ECT2L: variants seen among roughly 807,000 people sequenced by gnomAD.
ECT2L encodes the protein epithelial cell transforming 2 like.
A neutral mutation model predicts 122.8 loss-of-function variants in ECT2L; 126 were observed. That is an observed-to-expected ratio of 1.03 (90% CI 0.89 to 1.19). The LOEUF is 1.19. Among genes scored for constraint, ECT2L ranks in the 50% most tolerant of loss-of-function variants. The pLI is 0.00. For synonymous variants in ECT2L, 385 were observed against 381.8 expected, an observed-to-expected ratio of 1.01 and a Z score of -0.10; for missense variants, 1,012 against 1,064.1, an observed-to-expected ratio of 0.95 and a Z score of 0.68.
chr6:138,861,078 C>T (rs1777812879), intron 10 of ECT2L, among the ~76,000 whole-genome samples: 1 of 152,042 alleles, frequency 6.6e-6, no homozygotes, highest in Non-Finnish European at 1.5e-5. Context: ...TTATGGCTGC[C>T]TAGTATTCCA....
intron 12 of ECT2L, among the ~76,000 whole-genome samples, chr6:138,866,964 C>T (rs995785706): frequency 7.9e-5 from 12 of 151,976 alleles, no homozygotes; most frequent in African/African-American, 2.4e-4. Flanking sequence ...ATCCCAGCTA[C>T]TTAGGAGGCT....
chr6:138,864,826 CTAATTT>C (rs1777968650), intron 11 of ECT2L, among the ~76,000 whole-genome samples, 164 bp from the exon 12 acceptor site: 1 of 152,130 alleles, frequency 6.6e-6, no homozygotes, highest in Non-Finnish European at 1.5e-5. Context: ...TTTCGAGTTT[CTAATTT>C]TACCTTTGAA....
At position 138,838,482 on chromosome 6, in the gene ECT2L, G is replaced by A. The variant is rs376602257; in HGVS notation, c.310G>A (p.Val104Ile). The A allele has an allele frequency of 7.4e-6, 12 of 1,612,672 alleles. No homozygotes were observed. The highest frequency in any genetic ancestry group is 9.3e-6 in the Non-Finnish European group (11 of 1,179,640). The part of the protein sequence containing the change: ...SPKDLCAAAQ[V>I]SWPWKFLTEQ... ...GAAAGATTTGTGTGCCGCTGCCCAA[G>A]TCAGCTGGCCCTGGAAGTTTTTAAC... is the stretch of plus-strand genomic sequence containing the variant. Residue 104 changes from valine to isoleucine, a missense_variant, in exon 5 of 22, where the codon GTC becomes ATC. Coordinates refer to ENST00000541398, the MANE Select transcript of ECT2L (RefSeq NM_001077706.3).
In ECT2L at chr6:138,802,837, G is replaced by A. The variant is rs752154355; in HGVS notation, c.-244+6645G>A. ...CATGCCTGTAATCCCAGCACTTTGG[G>A]AGGCCGAGGTGGGTGGATCACTTGA... On this transcript the variant is annotated intron_variant, in intron 1 of 21. Coordinates refer to ENST00000541398, the MANE Select transcript of ECT2L (RefSeq NM_001077706.3). Among the ~76,000 whole-genome samples the A allele has an allele frequency of 3.3e-5, 5 of 152,138 alleles. No individual in the cohort carries two copies. In the South Asian group the frequency reaches 1.0e-3, roughly 32 times the overall value.
chr6:138,802,842 C>T (rs961544197), intron 1 of ECT2L, among the ~76,000 whole-genome samples: 12 of 151,954 alleles, frequency 7.9e-5, no homozygotes, highest in East Asian at 1.9e-4. Flanking sequence ...TTTGGGAGGC[C>T]GAGGTGGGTG....
intron 4 of ECT2L, among the ~76,000 whole-genome samples, chr6:138,816,282 T>G (rs1431648181): frequency 6.6e-6 from 1 of 152,192 alleles, no homozygotes; most frequent in African/African-American, 2.4e-5. Context: ...GCAGCTTAAC[T>G]CAGGCCTGAC....
chr6:138,817,771 C>G (rs1241591264), intron 4 of ECT2L, among the ~76,000 whole-genome samples: 1 of 152,212 alleles, frequency 6.6e-6, no homozygotes, highest in South Asian at 2.1e-4. Context: ...AACCATCCCT[C>G]TGGCAAACTA....
chr6:138,873,890 G>GTGTGTGTGTGTGTGTGTGTGTGTGTGTA (rs1778347242), intron 13 of ECT2L, among the ~76,000 whole-genome samples: 1 of 130,606 alleles, frequency 7.7e-6, no homozygotes, highest in African/African-American at 2.9e-5. Context: ...GTGTGTGTGT[G>GTGTGTGTGTGTGTGTGTGTGTGTGTGTA]TGTGTGTGTG....
intron 4 of ECT2L, 71 bp from the exon 5 acceptor site, chr6:138,838,281 C>T (rs1007157184): frequency 6.2e-6 from 8 of 1,282,862 alleles, no homozygotes; most frequent in South Asian, 1.7e-5. Flanking sequence ...GATCAATGAC[C>T]AATATTTATG....
At position 138,890,492 on chromosome 6, in the gene ECT2L, C is replaced by CTTTTTTTTTTTTTTT. The variant is rs552594959; in HGVS notation, c.2414+1475_2414+1489dup. 2.0e-3 allele frequency among the ~76,000 whole-genome samples: 159 copies of CTTTTTTTTTTTTTTT among 78,976 alleles called. 13 individuals are homozygous for CTTTTTTTTTTTTTTT. The highest frequency in any genetic ancestry group is 8.2e-3 in the Middle Eastern group (1 of 122). 51.8% of individuals were successfully genotyped at this position (78,976 alleles called of 152,430 possible). On this transcript the variant is annotated intron_variant, in intron 20 of 21. Coordinates refer to ENST00000541398, the MANE Select transcript of ECT2L (RefSeq NM_001077706.3). ...TCATGACATTTTTGTTTTCTTTGAT[C>CTTTTTTTTTTTTTTT]TTTTTTTTTTTTTTTTTTTTTTTTT...
intron 20 of ECT2L, among the ~76,000 whole-genome samples, chr6:138,900,435 C>T (rs1327690878): frequency 2.0e-5 from 3 of 152,126 alleles, no homozygotes; most frequent in South Asian, 4.2e-4. Flanking sequence ...TTAGTAGAGA[C>T]GGGGTTTCAC....
chr6:138,832,921 T>C (rs1401429056), intron 4 of ECT2L, among the ~76,000 whole-genome samples: 1 of 152,088 alleles, frequency 6.6e-6, no homozygotes, highest in Non-Finnish European at 1.5e-5. Context: ...TTTATAAATA[T>C]AAAAGCATTA....
At chr6:138,808,923 T>C (rs1340715421) in intron 1 of ECT2L, among the ~76,000 whole-genome samples, 3 of 152,062 alleles carry the variant, frequency 2.0e-5, no homozygotes, top group African/African-American at 7.2e-5. Context: ...GATGGAGTTT[T>C]GCTATGTTGG....
At chr6:138,829,427 A>G (rs551042612) in intron 4 of ECT2L, among the ~76,000 whole-genome samples, 1 of 152,288 alleles carries the variant, frequency 6.6e-6, no homozygotes, top group Admixed American at 6.5e-5. Flanking sequence ...CCATACTCTC[A>G]ATTCAAATTC....
intron 10 of ECT2L, among the ~76,000 whole-genome samples, chr6:138,854,492 C>G (rs974027052): frequency 2.0e-5 from 3 of 152,028 alleles, no homozygotes; most frequent in African/African-American, 7.3e-5. Context: ...GAGAAAACAC[C>G]CCCTGCCGCC....
chr6:138,862,400 A>G (rs556834080), intron 10 of ECT2L, among the ~76,000 whole-genome samples: 253 of 152,112 alleles, frequency 1.7e-3, no homozygotes, highest in African/African-American at 5.9e-3. Context: ...ACACTTTTAA[A>G]CAACCAGATC....
At chr6:138,806,666 C>T (rs866490097) in intron 1 of ECT2L, among the ~76,000 whole-genome samples, 1 of 152,006 alleles carries the variant, frequency 6.6e-6, no homozygotes, top group Middle Eastern at 3.2e-3. Flanking sequence ...GTGCCCACCA[C>T]CACGCCCAGC....
chr6:138,808,425 A>T (rs1013026702), intron 1 of ECT2L, among the ~76,000 whole-genome samples: 2 of 151,930 alleles, frequency 1.3e-5, no homozygotes, highest in African/African-American at 2.4e-5. Context: ...TCTTTAAAAA[A>T]TTTTGTAGAC....
chr6:138,818,533 A>G (rs1359006747), intron 4 of ECT2L, among the ~76,000 whole-genome samples: 1 of 152,194 alleles, frequency 6.6e-6, no homozygotes, highest in African/African-American at 2.4e-5. Context: ...AAAGGAGAGT[A>G]TTTCTGTGTG....
Sources: allele counts gnomAD v4.1 joint callset (sites outside exome capture counted in the v4.1 genomes callset), GRCh38; gene constraint gnomAD v4.1.1; transcripts MANE v1.5; gene names NCBI Gene and HGNC (gene_info 2026-07-23, HGNC 2026-07-21).